The following CSMD1 variants were observed in gnomAD, a reference collection of about 807,000 sequenced individuals.
CSMD1 encodes CUB and sushi domain-containing protein 1.
In CSMD1, 213 loss-of-function variants were observed where a neutral mutation model predicts 417.5. The ratio of observed to expected loss-of-function variants is 0.51; its 90% CI spans 0.46 to 0.57. CSMD1 has a LOEUF of 0.57. Ranked by LOEUF, CSMD1 falls within the 20% of genes least tolerant of loss-of-function variation. The probability of loss-of-function intolerance (pLI) is 0.00; values close to 1 mark genes in which losing one functional copy is unlikely to be tolerated. For synonymous variants in CSMD1, 2,862 were observed against 1,736.8 expected (o/e 1.65, Z -16.11); for missense variants, 6,923 against 4,529.7 (o/e 1.53, Z -15.17).
intron 7 of CSMD1, among the ~76,000 whole-genome samples, chr8:3,626,187 G>A (rs1220055827): frequency 6.6e-6 from 1 of 152,126 alleles, no homozygotes; most frequent in Admixed American, 6.5e-5. Context: ...GCTGGCTCCC[G>A]CAAATGCAGA....
Position 3,586,302 on chromosome 8 carries a change from C to T in CSMD1, c.1098-42G>A, listed in dbSNP as rs7826399. On this transcript the variant is annotated intron_variant, in intron 8 of 69. Coordinates refer to ENST00000635120, the MANE Select transcript of CSMD1 (RefSeq NM_033225.6). Reference sequence around the variant, plus strand: ...GAAAAAAAAAAACCCAAATTATTTACAGAAGACTTCTTTAGGAAAAAAAAA... The same window carrying T: ...GAAAAAAAAAAACCCAAATTATTTATAGAAGACTTCTTTAGGAAAAAAAAA... 8,630 of 1,504,094 alleles carry T rather than the reference C, an allele frequency of 5.7e-3. 300 individuals are homozygous for T. The African/African-American group carries it at 0.084, about 15-fold the overall frequency. The allele number at this position is 1,504,094 out of a possible 1,614,324, so 93.2% of individuals were successfully genotyped here. A position where few individuals can be genotyped will look rare whatever the true frequency, so the allele number is the denominator to read the frequency against.
intron 7 of CSMD1, chr8:3,702,080 T>C (rs1800903392): frequency 6.6e-6 from 1 of 152,178 alleles, no homozygotes; most frequent in African/African-American, 2.4e-5. Context: ...CCAGGGGCAT[T>C]TATTTTATAA....
chr8:4,071,835 G>A (rs1799574778), intron 3 of CSMD1, among the ~76,000 whole-genome samples: 1 of 152,002 alleles, frequency 6.6e-6, no homozygotes, highest in African/African-American at 2.4e-5. Flanking sequence ...GTGGGGGGGT[G>A]GTGTGCACAT....
At chr8:4,960,131 A>T (rs181624138) in intron 1 of CSMD1, among the ~76,000 whole-genome samples, 21 of 152,310 alleles carry the variant, frequency 1.4e-4, no homozygotes, top group African/African-American at 4.1e-4. Context: ...TAATGTGCTC[A>T]TTACTTCTGA....
intron 1 of CSMD1, among the ~76,000 whole-genome samples, chr8:4,761,769 T>A (rs1812085169): frequency 6.6e-6 from 1 of 152,142 alleles, no homozygotes; most frequent in Non-Finnish European, 1.5e-5. Context: ...ATGTAACTTG[T>A]TTTATCTTTT....
At chr8:3,088,646 C>A (rs906021202) in intron 48 of CSMD1, among the ~76,000 whole-genome samples, 1 of 151,740 alleles carries the variant, frequency 6.6e-6, no homozygotes, top group African/African-American at 2.4e-5. Context: ...TTTTAATGGG[C>A]TGATTTTTCT....
rs141744489 is a variant in CSMD1, at chr8:4,097,812, G to C, written c.416-65713C>G. Among the ~76,000 whole-genome samples, 501 of 152,248 alleles carry C rather than the reference G, an allele frequency of 3.3e-3. 5 individuals are homozygous for C. The highest frequency in any genetic ancestry group is 0.011 in the African/African-American group (472 of 41,550). On this transcript the variant is annotated intron_variant, in intron 3 of 69. Transcript: ENST00000635120. ...GCATGATTACAAATGCTGTGGGTGG[G>C]TTATGTTTGCCCTGTCTATTGTTTC...
At chr8:3,196,815 T>C (rs1184484643) in intron 33 of CSMD1, among the ~76,000 whole-genome samples, 1 of 152,154 alleles carries the variant, frequency 6.6e-6, no homozygotes, top group African/African-American at 2.4e-5. Context: ...GAGAGTTTCA[T>C]TCCTGGGAGA....
chr8:3,588,607 T>C (rs1212606423), intron 8 of CSMD1, among the ~76,000 whole-genome samples: 4 of 152,152 alleles, frequency 2.6e-5, no homozygotes, highest in Non-Finnish European at 5.9e-5. Flanking sequence ...TCATGCATTT[T>C]TTTCCTACAT....
intron 1 of CSMD1, among the ~76,000 whole-genome samples, chr8:4,818,877 T>C (rs1297984400): frequency 3.9e-5 from 6 of 152,234 alleles, no homozygotes; most frequent in South Asian, 2.1e-4. Flanking sequence ...TTAAACTGTT[T>C]ACTAAAGAAA....
At chr8:4,254,361 C>T (rs1422984163) in intron 3 of CSMD1, among the ~76,000 whole-genome samples, 3 of 152,152 alleles carry the variant, frequency 2.0e-5, no homozygotes, top group African/African-American at 4.8e-5. Context: ...TAGGGAAGTA[C>T]AGTAATGGGC....
intron 3 of CSMD1, among the ~76,000 whole-genome samples, chr8:4,127,799 G>A (rs1007619812): frequency 1.3e-5 from 2 of 152,056 alleles, no homozygotes; most frequent in East Asian, 1.9e-4. Context: ...TGAAGTAGAT[G>A]GTATTTGTAC....
chr8:4,141,096 C>A (rs1352867041), intron 3 of CSMD1, among the ~76,000 whole-genome samples: 2 of 151,232 alleles, frequency 1.3e-5, no homozygotes, highest in African/African-American at 4.9e-5. Flanking sequence ...TTCCCATTTT[C>A]AGATCTCATA....
At chr8:2,992,194 CACAT>C (rs1273175083) in intron 54 of CSMD1, among the ~76,000 whole-genome samples, 5 of 89,684 alleles carry the variant, frequency 5.6e-5, no homozygotes, top group East Asian at 2.4e-4. Context: ...CACACATGCA[CACAT>C]ACATACACAC....
chr8:3,815,476 A>G (rs1384134307), intron 5 of CSMD1, among the ~76,000 whole-genome samples: 4 of 152,162 alleles, frequency 2.6e-5, no homozygotes, highest in Non-Finnish European at 5.9e-5. Flanking sequence ...CTGTGTAAAT[A>G]TAAAAGTTAA....
At chr8:3,319,426 G>C (rs1022176458) in intron 23 of CSMD1, among the ~76,000 whole-genome samples, 17 of 152,098 alleles carry the variant, frequency 1.1e-4, no homozygotes, top group Non-Finnish European at 2.2e-4. Flanking sequence ...TGAAAACAGA[G>C]TTTGATAGCT....
At chr8:4,325,105 T>A (rs962670404) in intron 3 of CSMD1, among the ~76,000 whole-genome samples, 40 of 152,224 alleles carry the variant, frequency 2.6e-4, no homozygotes, top group African/African-American at 9.6e-4. Flanking sequence ...AGTAACCCAC[T>A]TGATGATACT....
intron 3 of CSMD1, among the ~76,000 whole-genome samples, chr8:4,110,886 C>G (rs1203138185): frequency 6.6e-6 from 1 of 151,964 alleles, no homozygotes; most frequent in Admixed American, 6.6e-5. Context: ...ATATTATTTT[C>G]TTATGTCAAA....
intron 3 of CSMD1, among the ~76,000 whole-genome samples, chr8:4,149,751 A>C (rs567466701): frequency 2.0e-5 from 3 of 152,346 alleles, no homozygotes; most frequent in African/African-American, 7.2e-5. Context: ...CCAAGCATCC[A>C]GCCAGGCCTT....
Sources: gnomAD v4.1 joint callset for allele counts (sites outside exome capture counted in the v4.1 genomes callset) on GRCh38, gnomAD v4.1.1 for gene constraint, MANE v1.5 for transcripts, NCBI Gene and HGNC (gene_info 2026-07-23, HGNC 2026-07-21) for gene names.